GLRA2: variants seen among roughly 807,000 people sequenced by gnomAD.
GLRA2 encodes the protein glycine receptor alpha 2.
Under a neutral mutation model 31.6 loss-of-function variants are expected in GLRA2, and 11 were observed. That is an observed-to-expected ratio of 0.35 (90% confidence interval 0.22 to 0.58). GLRA2 has a LOEUF of 0.58. GLRA2 is among the 20% of genes least tolerant of loss of function. GLRA2 has a pLI of 0.84. For synonymous variants in GLRA2, 132 were observed against 134.0 expected (o/e 0.99, Z 0.10); for missense variants, 212 against 351.8 (o/e 0.60, Z 3.18).
At chrX:14,474,543 ATGGG>A in the GLRA2 span, among the ~76,000 whole-genome samples, 1 of 111,137 alleles carries the variant, frequency 9.0e-6, no homozygotes, top group African/African-American at 3.3e-5. Context: ...TTGGGCTCAG[ATGGG>A]TGATTCTTCT....
At chrX:14,550,598 A>C (rs2147025482) in intron 2 of GLRA2, among the ~76,000 whole-genome samples, 1 of 111,254 alleles carries the variant, frequency 9.0e-6, no homozygotes, top group African/African-American at 3.3e-5. Flanking sequence ...GTCACCATGA[A>C]GCTAAAAAAG....
chrX:14,488,717 G>C, the GLRA2 span, among the ~76,000 whole-genome samples: 3 of 112,188 alleles, frequency 2.7e-5, no homozygotes. Flanking sequence ...TACTAATATA[G>C]TTTGTAATAT....
rs189645163 is a variant in GLRA2, at chrX:14,580,963, G to C, written c.271-220G>C. On this transcript the variant is annotated intron_variant, in intron 3 of 8. Transcript: ENST00000218075. ...CTAAAAAATTCAACCAAGTCAACCC[G>C]TTTTATTGGTGTTCTGGTTTGGTTG... is the stretch of plus-strand genomic sequence containing the variant. 3.3e-3 allele frequency among the ~76,000 whole-genome samples: 370 copies of C among 111,768 alleles called. 4 individuals carry two copies. Among genetic ancestry groups the C allele is most frequent in the African/African-American group, 0.011 (331 of 30,765 alleles).
chrX:14,703,869 T>C (rs908695855), intron 8 of GLRA2, among the ~76,000 whole-genome samples: 1 of 111,965 alleles, frequency 8.9e-6, no homozygotes, highest in Non-Finnish European at 1.9e-5. Flanking sequence ...ACATCCTTTA[T>C]TGACTTTTCT....
chrX:14,634,970 C>G (rs2090693720), intron 7 of GLRA2, among the ~76,000 whole-genome samples: 2 of 111,697 alleles, frequency 1.8e-5, no homozygotes, highest in African/African-American at 6.5e-5. Context: ...AGTTTTTAAT[C>G]AAAAGGTTAA....
At chrX:14,601,341 C>A (rs896123209) in intron 4 of GLRA2, among the ~76,000 whole-genome samples, 1 of 111,282 alleles carries the variant, frequency 9.0e-6, no homozygotes, top group Admixed American at 9.6e-5. Context: ...AGGTTTGTGG[C>A]AAATTTTTAA....
chrX:14,499,018 G>T, the GLRA2 span, among the ~76,000 whole-genome samples: 2 of 111,978 alleles, frequency 1.8e-5, no homozygotes, highest in African/African-American at 6.5e-5. Flanking sequence ...TCCATTAATA[G>T]GTACTTAGAT....
chrX:14,568,704 AAAAAAG>A (rs2089840908), intron 2 of GLRA2, among the ~76,000 whole-genome samples: 1 of 54,792 alleles, frequency 1.8e-5, no homozygotes, highest in Non-Finnish European at 3.6e-5. Context: ...AAAAAAAAAA[AAAAAAG>A]AAAAGAAAAA....
chrX:14,710,566 T>A (rs908981588), intron 8 of GLRA2, among the ~76,000 whole-genome samples: 3 of 112,044 alleles, frequency 2.7e-5, no homozygotes, highest in Admixed American at 9.5e-5. Context: ...AAGGGACTTG[T>A]TGCCTAATTA....
intron 7 of GLRA2, among the ~76,000 whole-genome samples, chrX:14,616,399 C>G (rs1022060907): frequency 9.0e-6 from 1 of 111,168 alleles, no homozygotes; most frequent in African/African-American, 3.3e-5. Context: ...CATTGTCTTT[C>G]GCCATTATTA....
chrX:14,546,778 A>G (rs1051706200), intron 2 of GLRA2, among the ~76,000 whole-genome samples: 2 of 111,504 alleles, frequency 1.8e-5, no homozygotes, highest in East Asian at 5.7e-4. Flanking sequence ...GTGGATTGAC[A>G]TGTGAAGCTT....
At chrX:14,652,725 C>T (rs1043884125) in intron 7 of GLRA2, among the ~76,000 whole-genome samples, 3 of 110,681 alleles carry the variant, frequency 2.7e-5, no homozygotes, top group African/African-American at 6.6e-5. Context: ...ACCAGCTGTC[C>T]CCCAGTCTCT....
rs760506157 is a variant in GLRA2 at position 14,570,820 on chromosome X, TC to T, written c.203-3512del. Among the ~76,000 whole-genome samples, 127 of 111,763 alleles carry T rather than the reference TC, an allele frequency of 1.1e-3. 1 individual carries two copies. Among genetic ancestry groups the T allele is most frequent in the African/African-American group, 3.8e-3 (118 of 30,823 alleles). On this transcript the variant is annotated intron_variant, in intron 2 of 8. Coordinates refer to ENST00000218075, the MANE Select transcript of GLRA2 (RefSeq NM_002063.4). ...AAATACCTTATTCCAAAGAAGATAC[TC>T]TGAGAAAGTGATATATAGCAACAAA...
intron 7 of GLRA2, among the ~76,000 whole-genome samples, chrX:14,649,539 A>G (rs1162039890): frequency 8.9e-6 from 1 of 112,054 alleles, no homozygotes. Context: ...ATGTTCTGAC[A>G]ATGCAGATAC....
chrX:14,521,884 C>A, the GLRA2 span, among the ~76,000 whole-genome samples: 421 of 112,051 alleles, frequency 3.8e-3, 8 homozygotes, highest in Admixed American at 0.036. Flanking sequence ...ATCATCTGAG[C>A]CTTCAGTGAA....
the GLRA2 span, among the ~76,000 whole-genome samples, chrX:14,510,608 C>T: frequency 9.0e-6 from 1 of 110,961 alleles, no homozygotes; most frequent in African/African-American, 3.3e-5. Context: ...AAGAGTGTAC[C>T]ATCCTGATGC....
intron 7 of GLRA2, among the ~76,000 whole-genome samples, chrX:14,646,800 T>A (rs982863947): frequency 2.7e-5 from 3 of 111,305 alleles, no homozygotes; most frequent in African/African-American, 9.8e-5. Flanking sequence ...AAGGTATGTA[T>A]CCCAGTGGCA....
chrX:14,572,655 C>T (rs1004999659), intron 2 of GLRA2, among the ~76,000 whole-genome samples: 3 of 111,861 alleles, frequency 2.7e-5, no homozygotes, highest in African/African-American at 9.7e-5. Context: ...TAAGAGGGGC[C>T]GGGACAAATT....
the GLRA2 span, among the ~76,000 whole-genome samples, chrX:14,492,793 CTG>C: frequency 8.9e-6 from 1 of 111,922 alleles, no homozygotes; most frequent in Non-Finnish European, 1.9e-5. Context: ...ATACCTGAGA[CTG>C]GGTAATTTAT....
Sources: gnomAD v4.1 joint callset for allele counts (sites outside exome capture counted in the v4.1 genomes callset) on GRCh38, gnomAD v4.1.1 for gene constraint, MANE v1.5 for transcripts, NCBI Gene and HGNC (gene_info 2026-07-23, HGNC 2026-07-21) for gene names.